Variants in SYNJ1 observed in about 807,000 individuals in gnomAD.
SYNJ1 encodes polyphosphatidylinositol phosphatase SYNJ1.
In SYNJ1, 78 loss-of-function variants were observed where a neutral mutation model predicts 168.2. The observed-to-expected ratio is 0.46, with a 90% confidence interval of 0.39 to 0.56. The LOEUF is 0.56. SYNJ1 is among the 20% of genes least tolerant of loss of function. The pLI, the probability that SYNJ1 is intolerant of heterozygous loss-of-function variation, is 0.00. For missense variants in SYNJ1, 1,303 were observed against 1,597.6 expected, an observed-to-expected ratio of 0.82 and a Z score of 3.14; for synonymous variants, 539 against 548.6, an observed-to-expected ratio of 0.98 and a Z score of 0.24.
chr21:32,692,934 G>A lies in SYNJ1; in HGVS notation c.789+1294C>T, dbSNP rs1720125. Among the ~76,000 whole-genome samples, 938 of 152,242 alleles carry A rather than the reference G, an allele frequency of 6.2e-3. 5 individuals carry two copies. The highest frequency in any genetic ancestry group is 0.022 in the African/African-American group (905 of 41,532). ...TAGTCCCAGCTACCTGGCAGGCTGA[G>A]GTGGGAGGATCACTTGAGCCTGGGA... On this transcript the variant is annotated intron_variant, in intron 6 of 32. Transcript: ENST00000674351.
At chr21:32,652,669 T>C (rs942315544) in intron 22 of SYNJ1, among the ~76,000 whole-genome samples, 4 of 152,000 alleles carry the variant, frequency 2.6e-5, no homozygotes, top group Non-Finnish European at 4.4e-5. Context: ...TCTAAAGGAG[T>C]TCAGAAAAAA....
intron 2 of SYNJ1, among the ~76,000 whole-genome samples, chr21:32,718,813 T>C (rs1569135177): frequency 6.6e-6 from 1 of 152,228 alleles, no homozygotes; most frequent in Non-Finnish European, 1.5e-5. Context: ...TCCTCTAATA[T>C]ATTAATATGT....
chr21:32,661,127 C>A (rs2040683298), intron 18 of SYNJ1, among the ~76,000 whole-genome samples: 1 of 152,220 alleles, frequency 6.6e-6, no homozygotes, highest in African/African-American at 2.4e-5. Context: ...GGGAAGGTAG[C>A]TGTGCCACAG....
intron 32 of SYNJ1, 79 bp downstream of exon 32, chr21:32,634,782 A>C (rs2039488012): frequency 6.9e-7 from 1 of 1,453,406 alleles, no homozygotes; most frequent in African/African-American, 1.4e-5. Context: ...GAAACTTTAG[A>C]TGTATGAAGC....
chr21:32,724,541 C>T (rs989417995), intron 2 of SYNJ1, among the ~76,000 whole-genome samples: 35 of 152,156 alleles, frequency 2.3e-4, no homozygotes, highest in African/African-American at 8.2e-4. Flanking sequence ...GAAGATTCTT[C>T]AGGTAGATGA....
chr21:32,647,796 C>T (rs1283264597), intron 23 of SYNJ1, among the ~76,000 whole-genome samples: 1 of 152,166 alleles, frequency 6.6e-6, no homozygotes, highest in African/African-American at 2.4e-5. Flanking sequence ...AGAAAACCAC[C>T]CAGTCCTGAC....
At chr21:32,725,983 G>A (rs1391481423) in intron 2 of SYNJ1, among the ~76,000 whole-genome samples, 1 of 152,130 alleles carries the variant, frequency 6.6e-6, no homozygotes, top group Non-Finnish European at 1.5e-5. Context: ...GGGGACTAAA[G>A]GGCACACGAC....
chr21:32,718,215 G>A (rs1300052273), intron 2 of SYNJ1, among the ~76,000 whole-genome samples: 1 of 152,160 alleles, frequency 6.6e-6, no homozygotes, highest in Non-Finnish European at 1.5e-5. Context: ...ACTATTCAGT[G>A]AGAGTGGAAG....
At chr21:32,667,000 T>C (rs1168398395) in intron 15 of SYNJ1, among the ~76,000 whole-genome samples, 1 of 152,106 alleles carries the variant, frequency 6.6e-6, no homozygotes, top group Non-Finnish European at 1.5e-5. Context: ...AAATCTCTCG[T>C]ATACTTTAAA....
At chr21:32,652,950 C>T (rs1479012711) in intron 22 of SYNJ1, among the ~76,000 whole-genome samples, 1 of 152,208 alleles carries the variant, frequency 6.6e-6, no homozygotes, top group African/African-American at 2.4e-5. Context: ...ATTTTCTTCA[C>T]TTGATAGAAT....
Position 32,631,447 on chromosome 21 carries a change from A to T in SYNJ1, c.*358T>A. 1 of 1,614,198 alleles carries T rather than the reference A, an allele frequency of 6.2e-7. No homozygotes were observed. The highest frequency in any genetic ancestry group is 8.5e-7 in the Non-Finnish European group (1 of 1,180,032). ...TTGGAGAACCATGAAGTTGCCTCTGATTCTTCAGACTTGGCTCTAAATGGG... is the reference window on the plus strand; with the variant it reads ...TTGGAGAACCATGAAGTTGCCTCTGTTTCTTCAGACTTGGCTCTAAATGGG... On this transcript the variant is annotated 3_prime_UTR_variant, in exon 33 of 33. Coordinates refer to ENST00000674351, the MANE Select transcript of SYNJ1 (RefSeq NM_203446.3).
At chr21:32,645,944 C>T (rs2040047798) in intron 24 of SYNJ1, 155 bp from the exon 25 acceptor site, 4 of 1,123,570 alleles carry the variant, frequency 3.6e-6, no homozygotes, top group South Asian at 1.3e-5. Flanking sequence ...AAGCAGTCTA[C>T]TATTAAACTG....
At position 32,676,327 on chromosome 21, in the gene SYNJ1, T is replaced by G. The variant is rs367718431; in HGVS notation, c.1534+5A>C. Reference sequence around the variant, plus strand: ...TTATTTATAGATTGATTTTCTATACTGTACCTGACTGTAATGTCTGCTCAG... The same window carrying G: ...TTATTTATAGATTGATTTTCTATACGGTACCTGACTGTAATGTCTGCTCAG... On this transcript the variant is annotated splice_donor_5th_base_variant and intron_variant, in intron 13 of 32. Transcript: ENST00000674351. The G allele has an allele frequency of 1.3e-6, 2 of 1,592,404 alleles. No homozygotes were observed. The highest frequency in any genetic ancestry group is 1.4e-5 in the African/African-American group (1 of 73,860).
chr21:32,694,239 G>A lies in SYNJ1; in HGVS notation c.778C>T (p.Pro260Ser). ...TGTCAAACACATACTTGCAACCCTG[G>A]TTGCTCCCAGAACAATGGAACAGAT... is the stretch of plus-strand genomic sequence containing the variant. ...RGSVPLFWEQ[P>S]GLQVGSHRVR... The change falls in exon 6 of 33, where the codon CCA (proline) becomes TCA (serine). Residue 260 changes from proline (P) to serine (S), a missense_variant. Around this residue, in one of 2 missense-constraint regions of SYNJ1, gnomAD observed 920 missense variants for 1,208.8 expected, o/e 0.76. Coordinates refer to ENST00000674351, the MANE Select transcript of SYNJ1 (RefSeq NM_203446.3). 1 of 1,534,648 alleles carries A rather than the reference G, an allele frequency of 6.5e-7. No individual in the cohort carries two copies. Among genetic ancestry groups the A allele is most frequent in the South Asian group, 1.3e-5 (1 of 77,652 alleles).
intron 13 of SYNJ1, among the ~76,000 whole-genome samples, chr21:32,674,668 A>C (rs1852203376): frequency 1.3e-5 from 2 of 151,002 alleles, no homozygotes; most frequent in Non-Finnish European, 2.9e-5. Context: ...CCCTTTCTAA[A>C]CCACATTCTA....
At chr21:32,637,298 A>C (rs760798640) in intron 31 of SYNJ1, among the ~76,000 whole-genome samples, 24 of 150,002 alleles carry the variant, frequency 1.6e-4, no homozygotes, top group Non-Finnish European at 3.4e-4. Context: ...CAAGAAAATA[A>C]GAAAAATTCA....
At chr21:32,691,167 G>A (rs1407831913) in intron 6 of SYNJ1, among the ~76,000 whole-genome samples, 1 of 152,190 alleles carries the variant, frequency 6.6e-6, no homozygotes, top group Non-Finnish European at 1.5e-5. Flanking sequence ...CTGGTGGGAG[G>A]TGACTGAATC....
intron 21 of SYNJ1, 28 bp downstream of exon 21, chr21:32,656,659 A>G: frequency 6.4e-7 from 1 of 1,568,496 alleles, no homozygotes; most frequent in South Asian, 1.2e-5. Flanking sequence ...ATGAATCACA[A>G]GCTACTTTTG....
chr21:32,631,488 GT>G lies in SYNJ1; in HGVS notation c.*316del, dbSNP rs1569014970. The G allele has an allele frequency of 1.2e-6, 2 of 1,614,136 alleles. No individual in the cohort carries two copies. Among genetic ancestry groups the G allele is most frequent in the Non-Finnish European group, 1.7e-6 (2 of 1,180,008 alleles). The stretch of plus-strand genomic sequence containing the variant: ...TCTAAATGGGTTTCCAGGAGCAGCA[GT>G]CCTGTCACTGAAAGGATTTGTCCTG... On this transcript the variant is annotated 3_prime_UTR_variant, in exon 33 of 33. Coordinates refer to ENST00000674351, the MANE Select transcript of SYNJ1 (RefSeq NM_203446.3).
Sources: allele counts gnomAD v4.1 joint callset (sites outside exome capture counted in the v4.1 genomes callset), GRCh38; gene constraint gnomAD v4.1.1; regional missense constraint gnomAD v4.1.1; transcripts MANE v1.5; gene names NCBI Gene and HGNC (gene_info 2026-07-23, HGNC 2026-07-21).